Variants in EYA1 observed in about 807,000 individuals in gnomAD.
EYA1 encodes the protein EYA transcriptional coactivator and phosphatase 1.
A neutral mutation model predicts 82.0 loss-of-function variants in EYA1; 16 were observed. That is an observed-to-expected ratio of 0.20 (90% CI 0.13 to 0.30). The LOEUF (loss-of-function observed/expected upper bound fraction) is 0.30. Ranked by LOEUF, EYA1 falls within the 10% of genes least tolerant of loss-of-function variation. The pLI is 1.00. For synonymous variants in EYA1, 261 were observed against 264.4 expected, an observed-to-expected ratio of 0.99 and a Z score of 0.12; for missense variants, 633 against 730.7, an observed-to-expected ratio of 0.87 and a Z score of 1.54.
At chr8:71,455,305 T>A (rs1416696874) in intron 2 of EYA1, among the ~76,000 whole-genome samples, 1 of 152,120 alleles carries the variant, frequency 6.6e-6, no homozygotes, top group Non-Finnish European at 1.5e-5. Flanking sequence ...CCAGACAGAT[T>A]CACTGCCGAA....
rs375368196 is a variant in EYA1, at chr8:71,224,639, C to T, written c.1141-7616G>A. Among the ~76,000 whole-genome samples, 5 of 152,326 alleles carry T rather than the reference C, an allele frequency of 3.3e-5. No homozygotes were observed. The East Asian group carries it at 9.7e-4, about 29-fold the overall frequency. ...GTAGTTCTAGTACTTTAGTGACAAA[C>T]TCACATAAATTGTCTGAAAGCTAAT... is the stretch of plus-strand genomic sequence containing the variant. On this transcript the variant is annotated intron_variant, in intron 12 of 17. Coordinates refer to ENST00000340726, the MANE Select transcript of EYA1 (RefSeq NM_000503.6).
chr8:71,367,819 G>A (rs1827843283), intron 2 of EYA1, among the ~76,000 whole-genome samples: 2 of 152,104 alleles, frequency 1.3e-5, no homozygotes, highest in South Asian at 4.1e-4. Flanking sequence ...AGTATACTAT[G>A]GTGTGAGGGT....
chr8:71,327,984 T>C (rs894214612), intron 4 of EYA1, among the ~76,000 whole-genome samples: 2 of 150,526 alleles, frequency 1.3e-5, no homozygotes, highest in African/African-American at 4.9e-5. Context: ...GCCTCCTGAA[T>C]AGCTGGGATT....
At chr8:71,443,813 T>G (rs1479494042) in intron 2 of EYA1, among the ~76,000 whole-genome samples, 1 of 152,234 alleles carries the variant, frequency 6.6e-6, no homozygotes, top group Non-Finnish European at 1.5e-5. Context: ...GAAGATATCT[T>G]AACATGTAAT....
intron 2 of EYA1, among the ~76,000 whole-genome samples, chr8:71,519,288 A>G (rs994079384): frequency 6.6e-6 from 1 of 152,130 alleles, no homozygotes; most frequent in African/African-American, 2.4e-5. Context: ...TGAAATATCT[A>G]CCCTATTTCT....
chr8:71,331,243 A>C (rs1031482625), intron 4 of EYA1, among the ~76,000 whole-genome samples: 22 of 104,254 alleles, frequency 2.1e-4, no homozygotes, highest in African/African-American at 9.5e-4. Flanking sequence ...TAAATAAATA[A>C]ATACACACAC....
At chr8:71,259,051 T>C (rs1256681742) in intron 11 of EYA1, among the ~76,000 whole-genome samples, 1 of 152,096 alleles carries the variant, frequency 6.6e-6, no homozygotes, top group East Asian at 1.9e-4. Context: ...TAAAGAAAAA[T>C]GTAAAGCAGC....
intron 2 of EYA1, among the ~76,000 whole-genome samples, chr8:71,483,935 A>C (rs1257921904): frequency 6.6e-6 from 1 of 152,190 alleles, no homozygotes; most frequent in East Asian, 1.9e-4. Context: ...TTCTTCTGTC[A>C]TGGGAGAAAG....
chr8:71,397,308 T>C (rs908875206), intron 2 of EYA1, among the ~76,000 whole-genome samples: 8 of 152,250 alleles, frequency 5.3e-5, no homozygotes, highest in African/African-American at 1.9e-4. Flanking sequence ...AATATTGTTA[T>C]GTGTGAACTT....
upstream of EYA1, among the ~76,000 whole-genome samples, chr8:71,364,951 T>TG (rs1827657524): frequency 2.7e-5 from 1 of 37,556 alleles, no homozygotes; most frequent in Non-Finnish European, 5.1e-5. Context: ...TATATATATA[T>TG]ATATATATAT....
At chr8:71,517,783 AAAATT>A in intron 2 of EYA1, among the ~76,000 whole-genome samples, 1 of 150,052 alleles carries the variant, frequency 6.7e-6, no homozygotes, top group Non-Finnish European at 1.5e-5. Flanking sequence ...ATATATATCA[AAAATT>A]AAATTATCAA....
chr8:71,477,186 A>T (rs1260438551), intron 2 of EYA1, among the ~76,000 whole-genome samples: 1 of 152,156 alleles, frequency 6.6e-6, no homozygotes, highest in Non-Finnish European at 1.5e-5. Context: ...TTTAGATACA[A>T]TACCAAAAAT....
chr8:71,428,243 G>T (rs1805377921), intron 2 of EYA1, among the ~76,000 whole-genome samples: 2 of 152,176 alleles, frequency 1.3e-5, no homozygotes, highest in South Asian at 4.2e-4. Flanking sequence ...CATGTTTTTT[G>T]GGGGAGGAGA....
intron 2 of EYA1, among the ~76,000 whole-genome samples, chr8:71,437,097 A>ATC (rs1341085106): frequency 6.7e-6 from 1 of 148,988 alleles, no homozygotes; most frequent in Non-Finnish European, 1.5e-5. Flanking sequence ...ATATATATAT[A>ATC]TATATATCTT....
chr8:71,491,881 T>C (rs1215945577), intron 2 of EYA1, among the ~76,000 whole-genome samples: 2 of 152,188 alleles, frequency 1.3e-5, no homozygotes, highest in African/African-American at 4.8e-5. Flanking sequence ...CCAACACAAT[T>C]ATACGGGTAT....
At chr8:71,427,498 T>G (rs934174377) in intron 2 of EYA1, among the ~76,000 whole-genome samples, 7 of 152,208 alleles carry the variant, frequency 4.6e-5, no homozygotes, top group African/African-American at 1.7e-4. Context: ...ATAGTCTGAA[T>G]TATTAGTATT....
chr8:71,500,775 A>G (rs1811755527), intron 2 of EYA1, among the ~76,000 whole-genome samples: 1 of 152,192 alleles, frequency 6.6e-6, no homozygotes, highest in South Asian at 2.1e-4. Context: ...ACACATACAC[A>G]TACACACACA....
chr8:71,386,921 G>C (rs1403935753), intron 2 of EYA1, among the ~76,000 whole-genome samples: 1 of 152,174 alleles, frequency 6.6e-6, no homozygotes, highest in Non-Finnish European at 1.5e-5. Flanking sequence ...TCATCTTGCT[G>C]ACTGTAGCTT....
intron 3 of EYA1, 56 bp from the exon 4 acceptor site, chr8:71,334,230 T>C (rs1387867497): frequency 7.9e-7 from 1 of 1,268,738 alleles, no homozygotes. Context: ...TGTAAAGACA[T>C]GGAAGAGAAG....
Sources: gnomAD v4.1 joint callset for allele counts (sites outside exome capture counted in the v4.1 genomes callset) on GRCh38, gnomAD v4.1.1 for gene constraint, MANE v1.5 for transcripts, NCBI Gene and HGNC (gene_info 2026-07-23, HGNC 2026-07-21) for gene names.